Variants in PHEX observed in about 807,000 individuals in gnomAD.
The protein encoded by PHEX is phosphate regulating endopeptidase X-linked.
Under a neutral mutation model 68.0 loss-of-function variants are expected in PHEX, and 16 were observed. The observed-to-expected ratio is 0.24, with a 90% CI of 0.16 to 0.36. The LOEUF (loss-of-function observed/expected upper bound fraction) is 0.36, where lower values mean the gene tolerates loss of function less well. Among genes scored for constraint, PHEX ranks in the 10% least tolerant of loss-of-function variants. The pLI is 1.00. For synonymous variants in PHEX, 208 were observed against 205.1 expected (o/e 1.01, Z -0.12); for missense variants, 480 against 575.5 (o/e 0.83, Z 1.70).
chrX:22,076,262 G>A lies in PHEX; in HGVS notation c.350-126G>A, dbSNP rs1412794616. The A allele has an allele frequency of 5.8e-6, 3 of 518,792 alleles. No individual in the cohort carries two copies. The African/African-American group carries it at 7.0e-5, about 12-fold the overall frequency. 42.8% of individuals were successfully genotyped at this position (518,792 alleles called of 1,213,427 possible). A position where few individuals can be genotyped will look rare whatever the true frequency, so the allele number is the denominator to read the frequency against. On this transcript the variant is annotated intron_variant, in intron 3 of 21. Transcript: ENST00000379374. The stretch of plus-strand genomic sequence containing the variant: ...TTGTCTGCATATCTTTGATAGATTT[G>A]TCTTTTCCAGGGTTGTCTGTCTTTG...
Position 22,203,099 on chromosome X carries a change from G to T in PHEX, c.1646-9805G>T, listed in dbSNP as rs181464828. Among the ~76,000 whole-genome samples, 169 of 111,367 alleles carry T rather than the reference G, an allele frequency of 1.5e-3. 3 individuals carry two copies. The highest frequency in any genetic ancestry group is 5.2e-3 in the African/African-American group (160 of 30,638). On this transcript the variant is annotated intron_variant, in intron 15 of 21. Coordinates refer to ENST00000379374, the MANE Select transcript of PHEX (RefSeq NM_000444.6). ...AAAGGTGGGGTGACTAACTTCTCCT[G>T]GTTTGCCTGGGACCATCCCAGTTTT... is the stretch of plus-strand genomic sequence containing the variant.
At chrX:22,068,743 G>T (rs1018902273) in intron 3 of PHEX, among the ~76,000 whole-genome samples, 5 of 112,286 alleles carry the variant, frequency 4.5e-5, no homozygotes, top group Non-Finnish European at 9.4e-5. Flanking sequence ...TGTCGTTACT[G>T]GTCCTTGGAT....
intron 13 of PHEX, among the ~76,000 whole-genome samples, chrX:22,170,191 T>C (rs1183378267): frequency 8.9e-6 from 1 of 111,805 alleles, no homozygotes; most frequent in African/African-American, 3.3e-5. Context: ...AAAGGGAAAA[T>C]AGATAAACCA....
At chrX:22,133,823 C>T (rs111945837) in intron 12 of PHEX, among the ~76,000 whole-genome samples, 199 bp downstream of exon 12, 1 of 111,891 alleles carries the variant, frequency 8.9e-6, no homozygotes, top group Non-Finnish European at 1.9e-5. Flanking sequence ...CTGAATTTTT[C>T]GAACTGCATT....
chrX:22,060,014 G>A (rs1928288735), intron 3 of PHEX, among the ~76,000 whole-genome samples: 1 of 110,409 alleles, frequency 9.1e-6, no homozygotes, highest in Admixed American at 9.7e-5. Context: ...TCAATTCTGG[G>A]CCTGGCAGTG....
At chrX:22,069,059 G>A (rs751875823) in intron 3 of PHEX, among the ~76,000 whole-genome samples, 2 of 111,980 alleles carry the variant, frequency 1.8e-5, no homozygotes, top group East Asian at 2.8e-4. Context: ...GCTTGAACCC[G>A]GGAGGCAGAG....
At chrX:22,179,199 C>T (rs1022152234) in intron 14 of PHEX, among the ~76,000 whole-genome samples, 3 of 105,533 alleles carry the variant, frequency 2.8e-5, no homozygotes, top group African/African-American at 1.0e-4. Flanking sequence ...GGATTCTGTT[C>T]TGCTAAGGCC....
intron 14 of PHEX, among the ~76,000 whole-genome samples, chrX:22,187,001 C>G (rs754341030): frequency 4.5e-5 from 5 of 112,214 alleles, no homozygotes; most frequent in Non-Finnish European, 9.4e-5. Flanking sequence ...AGGCACCCAC[C>G]TGGATTTTCC....
intron 20 of PHEX, among the ~76,000 whole-genome samples, chrX:22,234,610 C>CT (rs1004868356): frequency 1.8e-5 from 2 of 109,533 alleles, no homozygotes; most frequent in African/African-American, 3.3e-5. Context: ...GGGAACGCCC[C>CT]TTCCCCCCCC....
intron 3 of PHEX, among the ~76,000 whole-genome samples, chrX:22,061,105 A>C (rs777525087): frequency 3.2e-4 from 36 of 111,527 alleles, no homozygotes; most frequent in Admixed American, 1.5e-3. Flanking sequence ...AGCTGAGAAT[A>C]TGGGATTTTT....
At chrX:22,215,394 C>A (rs892663661) in intron 16 of PHEX, among the ~76,000 whole-genome samples, 8 of 111,268 alleles carry the variant, frequency 7.2e-5, no homozygotes, top group Non-Finnish European at 1.1e-4. Context: ...AAATGGATAG[C>A]CTCCAGAATC....
chrX:22,195,585 ACT>A (rs1299297375), intron 15 of PHEX, among the ~76,000 whole-genome samples: 1 of 97,394 alleles, frequency 1.0e-5, no homozygotes, highest in African/African-American at 4.8e-5. Flanking sequence ...ACAGAGTGAG[ACT>A]CTGTCTCAAA....
chrX:22,138,051 T>A (rs1231066965), intron 12 of PHEX, among the ~76,000 whole-genome samples: 1 of 112,464 alleles, frequency 8.9e-6, no homozygotes, highest in Non-Finnish European at 1.9e-5. Context: ...CTAGCTAAGA[T>A]ACTCGTTGCT....
At chrX:22,186,399 A>G (rs1226571823) in intron 14 of PHEX, among the ~76,000 whole-genome samples, 1 of 112,466 alleles carries the variant, frequency 8.9e-6, no homozygotes, top group African/African-American at 3.2e-5. Flanking sequence ...TCAAGGGGAG[A>G]GGAATTTAGA....
At chrX:22,183,006 T>C in intron 14 of PHEX, among the ~76,000 whole-genome samples, 1 of 112,157 alleles carries the variant, frequency 8.9e-6, no homozygotes, top group East Asian at 2.8e-4. Flanking sequence ...GTTTTGTACT[T>C]GGTTTTTGTA....
rs59496974 is a variant in PHEX at position 22,249,208 on chromosome X, CGT to C, written c.*1286_*1287del. 215 of 85,960 alleles carry C rather than the reference CGT, an allele frequency of 2.5e-3. No homozygotes were observed. Among genetic ancestry groups the C allele is most frequent in the African/African-American group, 6.0e-3 (123 of 20,415 alleles). The allele number at this position is 85,960 out of a possible 1,213,427, so 7.1% of individuals were successfully genotyped here. A position where few individuals can be genotyped will look rare whatever the true frequency, so the allele number is the denominator to read the frequency against. ...AGTGAACTCCTTTCTTATTACTGAG[CGT>C]GTGTGTGTGTGTGTGTGTGTGTGTG... is the stretch of plus-strand genomic sequence containing the variant. On this transcript the variant is annotated 3_prime_UTR_variant, in exon 22 of 22. Coordinates refer to ENST00000379374, the MANE Select transcript of PHEX (RefSeq NM_000444.6).
At chrX:22,235,718 C>T (rs1413784868) in intron 20 of PHEX, among the ~76,000 whole-genome samples, 1 of 111,396 alleles carries the variant, frequency 9.0e-6, no homozygotes, top group Non-Finnish European at 1.9e-5. Context: ...CATAGCATCC[C>T]CATTACCCTA....
chrX:22,121,792 C>T (rs1394730499), intron 11 of PHEX, among the ~76,000 whole-genome samples: 1 of 111,794 alleles, frequency 8.9e-6, no homozygotes, highest in Non-Finnish European at 1.9e-5. Flanking sequence ...CAAGTAATGC[C>T]ATGGATGCCC....
chrX:22,239,875 C>A (rs764760474), intron 20 of PHEX, among the ~76,000 whole-genome samples: 42 of 111,234 alleles, frequency 3.8e-4, no homozygotes, highest in African/African-American at 1.4e-3. Context: ...CATTCAAATT[C>A]AGGAAATACA....
Sources: allele counts gnomAD v4.1 joint callset (sites outside exome capture counted in the v4.1 genomes callset), GRCh38; gene constraint gnomAD v4.1.1; transcripts MANE v1.5; gene names NCBI Gene and HGNC (gene_info 2026-07-23, HGNC 2026-07-21).